AUTS2: variants seen among roughly 807,000 people sequenced by gnomAD.
AUTS2 encodes the protein autism susceptibility gene 2 protein.
In AUTS2, 17 loss-of-function variants were observed where a neutral mutation model predicts 112.4. The observed-to-expected ratio is 0.15, with a 90% CI of 0.10 to 0.23. The LOEUF is 0.23. Among genes scored for constraint, AUTS2 ranks in the 10% least tolerant of loss-of-function variants. The pLI, the probability that AUTS2 is intolerant of heterozygous loss-of-function variation, is 1.00. For synonymous variants in AUTS2, 751 were observed against 702.7 expected (o/e 1.07, Z -1.09); for missense variants, 1,510 against 1,701.6 (o/e 0.89, Z 1.98).
intron 15 of AUTS2, 164 bp from the exon 16 acceptor site, chr7:70,784,770 AAAACACAC>A: frequency 7.4e-5 from 13 of 175,736 alleles, no homozygotes; most frequent in South Asian, 2.4e-4. Flanking sequence ...AAAAAAAAAA[AAAACACAC>A]ATTTTCTTTT....
chr7:70,173,399 C>A (rs768581443), intron 4 of AUTS2, among the ~76,000 whole-genome samples: 2 of 151,524 alleles, frequency 1.3e-5, no homozygotes, highest in Non-Finnish European at 1.5e-5. Flanking sequence ...AAAATGTTGA[C>A]GGAAGGCATT....
intron 4 of AUTS2, among the ~76,000 whole-genome samples, chr7:70,331,791 A>G (rs1790763992): frequency 6.6e-6 from 1 of 152,208 alleles, no homozygotes; most frequent in African/African-American, 2.4e-5. Context: ...GAAAACTCTC[A>G]ATAAACTAGG....
Position 69,857,312 on chromosome 7 carries a change from G to C in AUTS2, c.310-41974G>C, listed in dbSNP as rs79327974. On this transcript the variant is annotated intron_variant, in intron 1 of 18. Coordinates refer to ENST00000342771, the MANE Select transcript of AUTS2 (RefSeq NM_015570.4). ...CTGAGAGGTATTATTTCTATATGTCGGTCTTTATTTGCCTGTTTTGACAGT... is the reference window on the plus strand; with the variant it reads ...CTGAGAGGTATTATTTCTATATGTCCGTCTTTATTTGCCTGTTTTGACAGT... Among the ~76,000 whole-genome samples the C allele has an allele frequency of 5.9e-5, 9 of 152,198 alleles. No homozygotes were observed. In the East Asian group the frequency reaches 1.7e-3, roughly 29 times the overall value.
chr7:70,361,048 A>G (rs1792236539), intron 4 of AUTS2, among the ~76,000 whole-genome samples: 1 of 152,172 alleles, frequency 6.6e-6, no homozygotes, highest in South Asian at 2.1e-4. Flanking sequence ...AGCCTCCCAT[A>G]TAAAAATCGA....
intron 6 of AUTS2, among the ~76,000 whole-genome samples, chr7:70,707,995 A>G (rs527243572): frequency 6.6e-6 from 1 of 152,276 alleles, no homozygotes; most frequent in Non-Finnish European, 1.5e-5. Context: ...GGAGGCTGAG[A>G]GCACATCATT....
rs1476910253 is a variant in AUTS2, at chr7:70,543,936, G to A, written c.690+108155G>A. Reference sequence around the variant, plus strand: ...GATTCCTTAGCAAGAGCAAAGGGATGTGTACCCTCTCTTTCAGGCTTTGGT... The same window carrying A: ...GATTCCTTAGCAAGAGCAAAGGGATATGTACCCTCTCTTTCAGGCTTTGGT... On this transcript the variant is annotated intron_variant, in intron 5 of 18. Coordinates refer to ENST00000342771, the MANE Select transcript of AUTS2 (RefSeq NM_015570.4). 3.3e-5 allele frequency among the ~76,000 whole-genome samples: 5 copies of A among 152,146 alleles called. No individual in the cohort carries two copies. In the East Asian group the frequency reaches 9.7e-4, roughly 29 times the overall value.
At chr7:70,423,313 A>T (rs956778148) in intron 4 of AUTS2, among the ~76,000 whole-genome samples, 2 of 152,246 alleles carry the variant, frequency 1.3e-5, no homozygotes, top group Non-Finnish European at 2.9e-5. Context: ...ATCAATCTTG[A>T]ATATAAATAA....
chr7:70,384,146 G>A (rs1342109886), intron 4 of AUTS2, among the ~76,000 whole-genome samples: 1 of 152,202 alleles, frequency 6.6e-6, no homozygotes, highest in Non-Finnish European at 1.5e-5. Context: ...ATGTGCCTGT[G>A]ATCTGTGCGC....
intron 5 of AUTS2, among the ~76,000 whole-genome samples, chr7:70,678,896 T>C (rs1563122157): frequency 6.6e-6 from 1 of 152,152 alleles, no homozygotes; most frequent in Non-Finnish European, 1.5e-5. Context: ...TTCAAAGCTG[T>C]GGTTTTTCGA....
chr7:69,641,405 C>A (rs1226348548), intron 1 of AUTS2, among the ~76,000 whole-genome samples: 1 of 150,282 alleles, frequency 6.7e-6, no homozygotes, highest in African/African-American at 2.5e-5. Flanking sequence ...GCCTGCAGAG[C>A]CTTGCTTACA....
At chr7:69,608,839 C>T (rs1371713834) in intron 1 of AUTS2, among the ~76,000 whole-genome samples, 12 of 152,262 alleles carry the variant, frequency 7.9e-5, no homozygotes, top group Middle Eastern at 6.8e-3. Context: ...ATTAGTGTGT[C>T]TTACTGCATA....
intron 14 of AUTS2, 184 bp from the exon 15 acceptor site, chr7:70,781,431 G>A (rs1385431422): frequency 5.1e-6 from 3 of 587,902 alleles, no homozygotes; most frequent in Non-Finnish European, 8.4e-6. Context: ...GGTGTAACAG[G>A]CACTACCGGC....
At chr7:70,669,822 G>C (rs1342793030) in intron 5 of AUTS2, among the ~76,000 whole-genome samples, 1 of 152,194 alleles carries the variant, frequency 6.6e-6, no homozygotes. Flanking sequence ...GTACCAGGCA[G>C]AAAAACGAAC....
intron 1 of AUTS2, among the ~76,000 whole-genome samples, chr7:69,886,763 T>TTGTGTGTG (rs3220664): frequency 0.013 from 1,632 of 129,838 alleles, 21 homozygotes; most frequent in East Asian, 0.014. Context: ...TTTGACTTCT[T>TTGTGTGTG]TGTGTGTGTG....
chr7:69,811,897 C>G (rs1401026504), intron 1 of AUTS2, among the ~76,000 whole-genome samples: 1 of 152,188 alleles, frequency 6.6e-6, no homozygotes. Context: ...TTCCCCACCC[C>G]CACAGTGCCT....
At chr7:70,338,662 T>C (rs1279287216) in intron 4 of AUTS2, among the ~76,000 whole-genome samples, 1 of 152,050 alleles carries the variant, frequency 6.6e-6, no homozygotes, top group Non-Finnish European at 1.5e-5. Flanking sequence ...TATTCCCTCA[T>C]TTCGGTATCT....
At chr7:70,215,952 G>A (rs1584888041) in intron 4 of AUTS2, among the ~76,000 whole-genome samples, 2 of 152,120 alleles carry the variant, frequency 1.3e-5, no homozygotes, top group South Asian at 2.1e-4. Context: ...GTCATCTGCC[G>A]AGAGCTTAAG....
intron 1 of AUTS2, among the ~76,000 whole-genome samples, chr7:69,709,409 G>A (rs549201806): frequency 6.6e-6 from 1 of 152,266 alleles, no homozygotes; most frequent in South Asian, 2.1e-4. Context: ...GTTAGCCTGA[G>A]CAGGAGGATG....
chr7:70,244,594 T>C (rs1812800655), intron 4 of AUTS2, among the ~76,000 whole-genome samples: 2 of 152,168 alleles, frequency 1.3e-5, no homozygotes, highest in Admixed American at 6.5e-5. Context: ...AGCAGTTCTG[T>C]GAATGACTAA....
Sources: gnomAD v4.1 joint callset for allele counts (sites outside exome capture counted in the v4.1 genomes callset) on GRCh38, gnomAD v4.1.1 for gene constraint, MANE v1.5 for transcripts, NCBI Gene and HGNC (gene_info 2026-07-23, HGNC 2026-07-21) for gene names.